The following C16orf89 variants were observed in gnomAD, a reference collection of about 807,000 sequenced individuals.
The protein encoded by C16orf89 is chromosome 16 open reading frame 89.
In C16orf89, 57 loss-of-function variants were observed where a neutral mutation model predicts 41.5. The observed-to-expected ratio is 1.38, with a 90% CI of 1.11 to 1.71. The LOEUF (loss-of-function observed/expected upper bound fraction) is 1.71, where lower values mean the gene tolerates loss of function less well. C16orf89 is among the 40% of genes most tolerant of loss of function. The probability of loss-of-function intolerance (pLI) is 0.00; values close to 1 mark genes in which losing one functional copy is unlikely to be tolerated. For missense variants in C16orf89, 575 were observed against 445.9 expected (o/e 1.29, Z -2.61); for synonymous variants, 223 against 190.6 (o/e 1.17, Z -1.40).
Position 5,058,545 on chromosome 16 carries a change from C to T in C16orf89, c.575G>A (p.Cys192Tyr), listed in dbSNP as rs375451039. 49 of 1,612,716 alleles carry T rather than the reference C, an allele frequency of 3.0e-5. No homozygotes were observed. The highest frequency in any genetic ancestry group is 3.3e-5 in the Non-Finnish European group (39 of 1,179,920). Reference sequence around the variant, plus strand: ...TTGGTGGGACAGGCAGTAGCCTGAGCAGCCGGGCTTGGTCATGAGGCTCCT... The same window carrying T: ...TTGGTGGGACAGGCAGTAGCCTGAGTAGCCGGGCTTGGTCATGAGGCTCCT... ...LCRSLMTKPG[C>Y]SGYCLSHQLL... The change falls in exon 4 of 8, where the codon TGC becomes TAC. Residue 192 changes from cysteine to tyrosine, a missense_variant. By Grantham distance (194) the Cys-to-Tyr change is radical. Coordinates refer to ENST00000472572, the MANE Select transcript of C16orf89 (RefSeq NM_001098514.3).
intron 6 of C16orf89, among the ~76,000 whole-genome samples, chr16:5,053,641 T>C (rs190999544): frequency 1.3e-5 from 2 of 151,784 alleles, no homozygotes; most frequent in East Asian, 3.9e-4. Flanking sequence ...CCTGCTGGGC[T>C]CAAGTGATTC....
At chr16:5,057,619 C>T (rs28579128) in intron 4 of C16orf89, among the ~76,000 whole-genome samples, 13 of 151,752 alleles carry the variant, frequency 8.6e-5, no homozygotes, top group Non-Finnish European at 1.5e-4. Flanking sequence ...GCCTCTGCCT[C>T]TCTGGTTCAA....
At chr16:5,051,012 G>A (rs139643695) in intron 6 of C16orf89, among the ~76,000 whole-genome samples, 446 of 152,252 alleles carry the variant, frequency 2.9e-3, no homozygotes, top group Non-Finnish European at 5.2e-3. Flanking sequence ...ATCCCTTCAT[G>A]ATAAATCTCT....
intron 4 of C16orf89, among the ~76,000 whole-genome samples, chr16:5,057,924 C>G (rs996489328): frequency 3.3e-5 from 5 of 151,980 alleles, no homozygotes; most frequent in Non-Finnish European, 5.9e-5. Context: ...CCCTACAGTC[C>G]AGTTCAGCAG....
At position 5,058,887 on chromosome 16, in the gene C16orf89, G is replaced by C. The variant is rs192715661; in HGVS notation, c.510-277C>G. ...CATGGGCCAAATCACATCTTTTCCA[G>C]CCCCGAACAGTGGGTACTTGAACCC... On this transcript the variant is annotated intron_variant, in intron 3 of 7. Coordinates refer to ENST00000472572, the MANE Select transcript of C16orf89 (RefSeq NM_001098514.3). Among the ~76,000 whole-genome samples the C allele has an allele frequency of 2.2e-3, 340 of 152,154 alleles. 2 individuals are homozygous for C. Among genetic ancestry groups the C allele is most frequent in the African/African-American group, 7.7e-3 (321 of 41,538 alleles).
intron 1 of C16orf89, 122 bp downstream of exon 1, chr16:5,065,579 A>G (rs992229246): frequency 2.5e-6 from 3 of 1,196,698 alleles, no homozygotes; most frequent in Non-Finnish European, 3.5e-6. Context: ...CTCTCCTTAT[A>G]GCCGAGGCAG....
chr16:5,065,900 G>T lies in C16orf89; in HGVS notation c.9C>A (p.Ser3Arg). 1 of 1,613,264 alleles carries T rather than the reference G, an allele frequency of 6.2e-7. No individual in the cohort carries two copies. Among genetic ancestry groups the T allele is most frequent in the South Asian group, 1.1e-5 (1 of 90,940 alleles). Residue 3 changes from serine (S) to arginine (R), a missense_variant, in exon 1 of 8, where the codon AGC becomes AGA. Physicochemically the swap from Ser to Arg is moderately radical, Grantham distance 110. Coordinates refer to ENST00000472572, the MANE Select transcript of C16orf89 (RefSeq NM_001098514.3). MA[S>R]LGLLLLLLLT... The stretch of plus-strand genomic sequence containing the variant: ...GTAAGAGCAGGAGCAGCAGCCCCAG[G>T]CTGGCCATGGCCGGCCTCTGCTCAC...
chr16:5,052,733 G>A (rs996990048), intron 6 of C16orf89, among the ~76,000 whole-genome samples: 2 of 152,146 alleles, frequency 1.3e-5, no homozygotes, highest in African/African-American at 2.4e-5. Context: ...TTGTCAAAAA[G>A]CTAAAAATAG....
intron 7 of C16orf89, among the ~76,000 whole-genome samples, chr16:5,047,294 C>G (rs1956315302): frequency 6.6e-6 from 1 of 152,174 alleles, no homozygotes; most frequent in Non-Finnish European, 1.5e-5. Flanking sequence ...TACAACACCT[C>G]TGAGATGAGT....
chr16:5,062,303 C>T, intron 2 of C16orf89, 122 bp downstream of exon 2: 1 of 1,255,628 alleles, frequency 8.0e-7, no homozygotes, highest in Non-Finnish European at 1.1e-6. Context: ...GCAGACAGGT[C>T]CAAGTTGGTT....
chr16:5,048,511 C>T (rs933047489), intron 6 of C16orf89, among the ~76,000 whole-genome samples: 1 of 152,112 alleles, frequency 6.6e-6, no homozygotes, highest in African/African-American at 2.4e-5. Flanking sequence ...ACTGTGGCTC[C>T]CCAAACACCC....
chr16:5,056,213 AAGGG>A (rs1324621491), intron 4 of C16orf89, 25 bp from the exon 5 acceptor site: 1 of 1,574,620 alleles, frequency 6.4e-7, no homozygotes. Flanking sequence ...ACCCAAAGAC[AAGGG>A]AGTCAGTGGT....
At chr16:5,055,478 G>A (rs781521697) in intron 5 of C16orf89, 128 bp from the exon 6 acceptor site, 13 of 1,003,568 alleles carry the variant, frequency 1.3e-5, no homozygotes, top group Non-Finnish European at 1.9e-5. Flanking sequence ...GGCGTTCAAT[G>A]CAGAGGAGGG....
intron 6 of C16orf89, among the ~76,000 whole-genome samples, chr16:5,053,946 G>T (rs1956442545): frequency 6.6e-6 from 1 of 152,166 alleles, no homozygotes; most frequent in South Asian, 2.1e-4. Flanking sequence ...TACATGTATG[G>T]AAATATCACA....
chr16:5,049,897 C>A (rs1315716910), intron 6 of C16orf89, among the ~76,000 whole-genome samples: 1 of 151,346 alleles, frequency 6.6e-6, no homozygotes, highest in East Asian at 1.9e-4. Flanking sequence ...TAGGAAAGAT[C>A]AATGAAACAA....
chr16:5,055,737 A>C (rs1342377412), intron 5 of C16orf89: 12 of 1,535,238 alleles, frequency 7.8e-6, no homozygotes, highest in Admixed American at 2.0e-5. Flanking sequence ...TGGGGGCAGG[A>C]AACTGTCACA....
intron 4 of C16orf89, 33 bp from the exon 5 acceptor site, chr16:5,056,221 C>G: frequency 6.4e-7 from 1 of 1,565,684 alleles, no homozygotes; most frequent in Non-Finnish European, 8.8e-7. Context: ...ACAAGGGAGT[C>G]AGTGGTACAG....
At chr16:5,050,300 G>C (rs897835568) in intron 6 of C16orf89, among the ~76,000 whole-genome samples, 6 of 152,044 alleles carry the variant, frequency 3.9e-5, no homozygotes, top group Non-Finnish European at 8.8e-5. Flanking sequence ...CCCGGGAGGT[G>C]GAGGTTGCAG....
chr16:5,046,445 G>T (rs1956299476), intron 7 of C16orf89, among the ~76,000 whole-genome samples: 2 of 151,976 alleles, frequency 1.3e-5, no homozygotes, highest in Non-Finnish European at 2.9e-5. Context: ...TCTGTCTCCT[G>T]GGTTCAAGCA....
Sources: gnomAD v4.1 joint callset for allele counts (sites outside exome capture counted in the v4.1 genomes callset) on GRCh38, gnomAD v4.1.1 for gene constraint, MANE v1.5 for transcripts, NCBI Gene and HGNC (gene_info 2026-07-23, HGNC 2026-07-21) for gene names.